The following RASSF5 variants were observed in gnomAD, a reference collection of about 807,000 sequenced individuals.
RASSF5 encodes the protein Ras association domain family member 5, also known as ras association domain-containing protein 5.
A neutral mutation model predicts 40.5 loss-of-function variants in RASSF5; 25 were observed. That is an observed-to-expected ratio of 0.62 (90% CI 0.45 to 0.86). The LOEUF is 0.86. Ranked by LOEUF, RASSF5 falls within the 40% of genes least tolerant of loss-of-function variation. The probability of loss-of-function intolerance (pLI) is 0.00; values close to 1 mark genes in which losing one functional copy is unlikely to be tolerated. For missense variants in RASSF5, 521 were observed against 572.8 expected, an observed-to-expected ratio of 0.91 and a Z score of 0.92; for synonymous variants, 246 against 252.4, an observed-to-expected ratio of 0.97 and a Z score of 0.24.
At position 206,526,629 on chromosome 1, in the gene RASSF5, C is replaced by T. The variant is rs552207159; in HGVS notation, c.458-11543C>T. Among the ~76,000 whole-genome samples the T allele has an allele frequency of 7.2e-5, 11 of 152,244 alleles. No homozygotes were observed. The East Asian group carries it at 1.2e-3, about 16-fold the overall frequency. ...CCAGGCTTGACTATCACAGTCTCTCCGCCTTCCCATTCACCAACATGACCT... is the reference window on the plus strand; with the variant it reads ...CCAGGCTTGACTATCACAGTCTCTCTGCCTTCCCATTCACCAACATGACCT... On this transcript the variant is annotated intron_variant, in intron 1 of 5. Transcript: ENST00000579436.
At chr1:206,551,803 G>C (rs980795592) in intron 2 of RASSF5, among the ~76,000 whole-genome samples, 1 of 152,236 alleles carries the variant, frequency 6.6e-6, no homozygotes, top group African/African-American at 2.4e-5. Context: ...GCCCTGAGGC[G>C]AGAGGCAAGA....
At chr1:206,551,584 G>A (rs1188121322) in intron 2 of RASSF5, among the ~76,000 whole-genome samples, 1 of 152,200 alleles carries the variant, frequency 6.6e-6, no homozygotes, top group Admixed American at 6.5e-5. Context: ...CCCAGCCCAC[G>A]CCAATGTATT....
At chr1:206,516,737 A>G (rs1364360947) in intron 1 of RASSF5, among the ~76,000 whole-genome samples, 3 of 152,192 alleles carry the variant, frequency 2.0e-5, no homozygotes, top group African/African-American at 4.8e-5. Context: ...GATTACGGGC[A>G]TCAGCCACCA....
At chr1:206,538,102 TATTTCTCTG>T (rs1473245329) in intron 1 of RASSF5, 61 bp from the exon 2 acceptor site, 1 of 1,604,208 alleles carries the variant, frequency 6.2e-7, no homozygotes, top group Non-Finnish European at 8.5e-7. Context: ...TCTCCAAGGT[TATTTCTCTG>T]GGTGAAAGTG....
chr1:206,583,737 A>C (rs1668986936), intron 3 of RASSF5: 3 of 261,028 alleles, frequency 1.1e-5, no homozygotes, highest in African/African-American at 2.3e-5. Flanking sequence ...TCCCCTTCCT[A>C]CCCCTTCGAT....
At chr1:206,580,927 T>C (rs1450480220) in intron 2 of RASSF5, 3 of 152,264 alleles carry the variant, frequency 2.0e-5, no homozygotes, top group Admixed American at 1.3e-4. Context: ...ACAGATCAGG[T>C]AACTTACAGG....
At chr1:206,515,819 G>A (rs1485813833) in intron 1 of RASSF5, among the ~76,000 whole-genome samples, 1 of 152,138 alleles carries the variant, frequency 6.6e-6, no homozygotes, top group African/African-American at 2.4e-5. Flanking sequence ...AATGGAAGTT[G>A]GAGACTTGGT....
chr1:206,557,643 A>G, intron 2 of RASSF5: 1 of 1,614,254 alleles, frequency 6.2e-7, no homozygotes, highest in Non-Finnish European at 8.5e-7. Context: ...CTGCTTCTTC[A>G]CTGCTAAGAC....
Position 206,507,669 on chromosome 1 carries a change from C to T in RASSF5, c.67C>T (p.Arg23Cys). ...GCTACTATTGGACCCCGAGCCGCCGCGCTATCTACAGAGCCTGAGCGGCCC... is the reference window on the plus strand; with the variant it reads ...GCTACTATTGGACCCCGAGCCGCCGTGCTATCTACAGAGCCTGAGCGGCCC... ...YPLLLDPEPP[R>C]YLQSLSGPEL... Residue 23 changes from arginine to cysteine, a missense_variant, in exon 1 of 6, where the codon CGC (arginine) becomes TGC (cysteine). This residue lies in a region of RASSF5 where 237 missense variants were observed against 212.0 expected (regional missense o/e 1.12). Coordinates refer to ENST00000579436, the MANE Select transcript of RASSF5 (RefSeq NM_182663.4). The T allele has an allele frequency of 6.6e-7, 1 of 1,526,152 alleles. No homozygotes were observed. Among genetic ancestry groups the T allele is most frequent in the Non-Finnish European group, 8.7e-7 (1 of 1,142,928 alleles). 94.5% of individuals were successfully genotyped at this position (1,526,152 alleles called of 1,614,324 possible).
At chr1:206,518,489 C>T (rs1666820766) in intron 1 of RASSF5, 1 of 398,548 alleles carries the variant, frequency 2.5e-6, no homozygotes, top group South Asian at 1.3e-4. Flanking sequence ...GCCGCTCGGT[C>T]TCCAAAAAGC....
Position 206,557,193 on chromosome 1 carries a change from G to A in RASSF5, c.579+18900G>A, listed in dbSNP as rs1360104698. On this transcript the variant is annotated intron_variant, in intron 2 of 5. Coordinates refer to ENST00000579436, the MANE Select transcript of RASSF5 (RefSeq NM_182663.4). ...CTGCTTTACGCGAGGGGCAGGAAAG[G>A]CGCGGGAGGCGGGGGAGGTGCGGAG... 8 of 1,035,210 alleles carry A rather than the reference G, an allele frequency of 7.7e-6. No homozygotes were observed. In the East Asian group the frequency reaches 6.7e-4, roughly 87 times the overall value. 64.1% of individuals were successfully genotyped at this position (1,035,210 alleles called of 1,614,324 possible). A position where few individuals can be genotyped will look rare whatever the true frequency, so the allele number is the denominator to read the frequency against.
At chr1:206,518,747 C>G (rs1437213536) in intron 1 of RASSF5, among the ~76,000 whole-genome samples, 1 of 152,062 alleles carries the variant, frequency 6.6e-6, no homozygotes, top group Non-Finnish European at 1.5e-5. Context: ...ACAGCCAGAT[C>G]CAAAGGACAT....
At chr1:206,559,597 C>T (rs1278305528) in intron 2 of RASSF5, among the ~76,000 whole-genome samples, 1 of 152,180 alleles carries the variant, frequency 6.6e-6, no homozygotes, top group Non-Finnish European at 1.5e-5. Context: ...TTGAATCCAC[C>T]TTGTATCTTG....
chr1:206,530,098 C>T (rs1667198259), intron 1 of RASSF5, among the ~76,000 whole-genome samples: 1 of 151,976 alleles, frequency 6.6e-6, no homozygotes, highest in South Asian at 2.1e-4. Flanking sequence ...CTTTTTGTGG[C>T]ATTTTTCCAT....
At chr1:206,527,231 G>C (rs1667119457) in intron 1 of RASSF5, among the ~76,000 whole-genome samples, 1 of 152,124 alleles carries the variant, frequency 6.6e-6, no homozygotes, top group South Asian at 2.1e-4. Context: ...ACACCATCTG[G>C]GTAAGGATTT....
At chr1:206,576,745 ACT>A (rs1355408727) in intron 2 of RASSF5, among the ~76,000 whole-genome samples, 3 of 152,070 alleles carry the variant, frequency 2.0e-5, no homozygotes, top group African/African-American at 4.8e-5. Context: ...TAGGCAGGAG[ACT>A]CTGCACAAAC....
chr1:206,582,666 A>G (rs1668940668), intron 2 of RASSF5, among the ~76,000 whole-genome samples: 1 of 152,212 alleles, frequency 6.6e-6, no homozygotes, highest in Admixed American at 6.5e-5. Context: ...TTTGACAAAT[A>G]GATATTTACT....
intron 2 of RASSF5, among the ~76,000 whole-genome samples, chr1:206,568,527 A>G (rs1027975597): frequency 5.9e-5 from 9 of 151,502 alleles, no homozygotes; most frequent in African/African-American, 2.2e-4. Flanking sequence ...CTGGGTACTG[A>G]CTCACCTCCG....
rs542087290 is a variant in RASSF5, at chr1:206,507,791, G to A, written c.189G>A (p.Arg63=). The change falls in exon 1 of 6, where the codon CGG becomes CGA. Residue 63 remains arginine (R), a synonymous_variant. Coordinates refer to ENST00000579436, the MANE Select transcript of RASSF5 (RefSeq NM_182663.4). Reference sequence around the variant, plus strand: ...GGGCGCGCGAGGGGCGCAGCGCCCGGAGGGCTGCCCGGGGGAACCTGGAGC... The same window carrying A: ...GGGCGCGCGAGGGGCGCAGCGCCCGAAGGGCTGCCCGGGGGAACCTGGAGC... The part of the protein sequence containing the change: ...APGAREGRSA[R]RAARGNLEPP... 2.2e-6 allele frequency: 3 copies of A among 1,391,258 alleles called. No homozygotes were observed. The South Asian group carries it at 4.9e-5, about 23-fold the overall frequency. The allele number at this position is 1,391,258 out of a possible 1,614,324, so 86.2% of individuals were successfully genotyped here.
Sources: gnomAD v4.1 joint callset for allele counts (sites outside exome capture counted in the v4.1 genomes callset) on GRCh38, gnomAD v4.1.1 for gene constraint, gnomAD v4.1.1 regional missense constraint, MANE v1.5 for transcripts, NCBI Gene and HGNC (gene_info 2026-07-23, HGNC 2026-07-21) for gene names.